Variants in NRG3 observed in about 807,000 individuals in gnomAD.
NRG3 encodes neuregulin 3, also known as pro-neuregulin-3, membrane-bound isoform.
A neutral mutation model predicts 66.9 loss-of-function variants in NRG3; 31 were observed. The ratio of observed to expected loss-of-function variants is 0.46; its 90% CI spans 0.35 to 0.63. NRG3 has a LOEUF of 0.63. Ranked by LOEUF, NRG3 falls within the 20% of genes least tolerant of loss-of-function variation. The pLI, the probability that NRG3 is intolerant of heterozygous loss-of-function variation, is 0.00. For synonymous variants in NRG3, 393 were observed against 359.4 expected, an observed-to-expected ratio of 1.09 and a Z score of -1.06; for missense variants, 910 against 878.9, an observed-to-expected ratio of 1.04 and a Z score of -0.45.
chr10:82,958,944 T>C lies in NRG3; in HGVS notation c.1158-5T>C, dbSNP rs762786520. The C allele has an allele frequency of 1.3e-6, 2 of 1,571,472 alleles. No individual in the cohort carries two copies. The highest frequency in any genetic ancestry group is 2.7e-5 in the African/African-American group (2 of 72,788). ...ATATTTGTACACGTTTATTTATGCC[T>C]GCAGGAAACAAGCTAAACAAATCCA... On this transcript the variant is annotated splice_region_variant and splice_polypyrimidine_tract_variant and intron_variant, in intron 5 of 8. Coordinates refer to ENST00000372141, the MANE Select transcript of NRG3 (RefSeq NM_001010848.4).
At chr10:82,516,170 A>G (rs893353039) in intron 2 of NRG3, among the ~76,000 whole-genome samples, 1 of 151,654 alleles carries the variant, frequency 6.6e-6, no homozygotes, top group Non-Finnish European at 1.5e-5. Context: ...ATGTGTGTGT[A>G]TGTGCATGCA....
chr10:82,630,012 C>T (rs889445522), intron 2 of NRG3, among the ~76,000 whole-genome samples: 3 of 152,036 alleles, frequency 2.0e-5, no homozygotes, highest in Admixed American at 6.6e-5. Context: ...TCCAGGGACC[C>T]ATGGACCAGG....
chr10:82,073,230 TACTTCTTAAGATAA>T (rs2064907117), intron 1 of NRG3, among the ~76,000 whole-genome samples: 1 of 152,190 alleles, frequency 6.6e-6, no homozygotes, highest in South Asian at 2.1e-4. Flanking sequence ...AGAGTTTCAC[TACTTCTTAAGATAA>T]ACCCTGGAGC....
intron 1 of NRG3, among the ~76,000 whole-genome samples, chr10:82,155,544 A>T (rs1396071272): frequency 6.6e-6 from 1 of 151,732 alleles, no homozygotes; most frequent in Non-Finnish European, 1.5e-5. Flanking sequence ...CTGTGTAAAA[A>T]TGCTAATTAC....
chr10:82,602,163 A>G (rs1590834997), intron 2 of NRG3, among the ~76,000 whole-genome samples: 3 of 151,990 alleles, frequency 2.0e-5, no homozygotes, highest in Admixed American at 2.0e-4. Flanking sequence ...GTTATTAACC[A>G]AGGATTAAAT....
Position 81,875,416 on chromosome 10 carries a change from G to A in NRG3, c.76G>A (p.Ala26Thr), listed in dbSNP as rs1841528593. The A allele has an allele frequency of 1.9e-6, 2 of 1,049,008 alleles. No homozygotes were observed. Among genetic ancestry groups the A allele is most frequent in the Non-Finnish European group, 1.1e-6 (1 of 873,532 alleles). 65.0% of individuals were successfully genotyped at this position (1,049,008 alleles called of 1,614,324 possible). ...CGCCGCCTCGGCCGAGGAGGGCACCGCGGCGGCTGCGGCGGCGGCAGCGGC... is the reference window on the plus strand; with the variant it reads ...CGCCGCCTCGGCCGAGGAGGGCACCACGGCGGCTGCGGCGGCGGCAGCGGC... ...AAAASAEEGT[A>T]AAAAAAAAGG... The change falls in exon 1 of 9, where the codon GCG (alanine) becomes ACG (threonine). Residue 26 changes from alanine (A) to threonine (T), a missense_variant. By Grantham distance (58) the Ala-to-Thr change is moderately conservative. Transcript: ENST00000372141. The surrounding 1 kb of genome is among the most constrained non-coding windows in gnomAD (Gnocchi z 5.3).
intron 1 of NRG3, among the ~76,000 whole-genome samples, chr10:82,028,033 T>G (rs2132842864): frequency 6.6e-6 from 1 of 152,262 alleles, no homozygotes; most frequent in Non-Finnish European, 1.5e-5. Flanking sequence ...AATATTTTTC[T>G]CAACTTCCAT....
intron 1 of NRG3, among the ~76,000 whole-genome samples, chr10:82,048,044 G>A (rs2063396461): frequency 2.7e-5 from 4 of 150,794 alleles, no homozygotes; most frequent in Admixed American, 2.0e-4. Flanking sequence ...AACAAGAAGA[G>A]CTAACTATCC....
intron 1 of NRG3, among the ~76,000 whole-genome samples, chr10:81,959,496 G>A (rs1325286423): frequency 6.6e-6 from 1 of 151,926 alleles, no homozygotes; most frequent in Non-Finnish European, 1.5e-5. Context: ...TTGCTGGATT[G>A]CTTACTGACA....
At chr10:82,234,503 C>T (rs2076658359) in intron 1 of NRG3, among the ~76,000 whole-genome samples, 2 of 152,102 alleles carry the variant, frequency 1.3e-5, no homozygotes, top group Non-Finnish European at 1.5e-5. Flanking sequence ...GTTTTCTCAC[C>T]ATCAGATCTC....
chr10:82,245,478 A>G (rs879859436), intron 1 of NRG3, among the ~76,000 whole-genome samples: 1 of 152,194 alleles, frequency 6.6e-6, no homozygotes, highest in Admixed American at 6.5e-5. Context: ...AAAGACTTAT[A>G]TATGTTGGTG....
intron 2 of NRG3, among the ~76,000 whole-genome samples, chr10:82,735,030 A>G (rs1301029320): frequency 6.6e-6 from 1 of 151,460 alleles, no homozygotes; most frequent in Non-Finnish European, 1.5e-5. Flanking sequence ...AAAAAAAAAG[A>G]AGGGAAGGGA....
intron 1 of NRG3, among the ~76,000 whole-genome samples, chr10:82,080,709 T>G (rs560861864): frequency 6.6e-6 from 1 of 152,134 alleles, no homozygotes; most frequent in Non-Finnish European, 1.5e-5. Context: ...TTTTTTGTTT[T>G]AACCTTTAAA....
At chr10:82,181,311 C>T (rs1318845097) in intron 1 of NRG3, among the ~76,000 whole-genome samples, 1 of 151,066 alleles carries the variant, frequency 6.6e-6, no homozygotes, top group Non-Finnish European at 1.5e-5. Context: ...TGGTCTTTTC[C>T]TAGTTTATCA....
In NRG3 at chr10:82,955,864, G is replaced by C. The variant is rs528547918; in HGVS notation, c.1158-3085G>C. ...CAATCTCATGTTCCATTCTGGTATT[G>C]TTTACCTCCAATGATGCATCGATAT... On this transcript the variant is annotated intron_variant, in intron 5 of 8. Transcript: ENST00000372141. Among the ~76,000 whole-genome samples, 18 of 151,990 alleles carry C rather than the reference G, an allele frequency of 1.2e-4. No homozygotes were observed. In the South Asian group the frequency reaches 3.3e-3, roughly 28 times the overall value.
At chr10:82,314,225 C>T (rs901077116) in intron 1 of NRG3, among the ~76,000 whole-genome samples, 4 of 152,160 alleles carry the variant, frequency 2.6e-5, no homozygotes, top group Non-Finnish European at 2.9e-5. Context: ...AGCTTGACAA[C>T]AGAACTTTAA....
At chr10:82,173,521 G>A (rs1025193046) in intron 1 of NRG3, among the ~76,000 whole-genome samples, 2 of 151,966 alleles carry the variant, frequency 1.3e-5, no homozygotes, top group African/African-American at 4.8e-5. Flanking sequence ...GCAAAGACAT[G>A]CACACACAGG....
intron 1 of NRG3, among the ~76,000 whole-genome samples, chr10:82,147,880 C>T (rs1474344274): frequency 6.6e-6 from 1 of 152,194 alleles, no homozygotes. Context: ...AGTTTTCTCT[C>T]TCTTTTACCC....
At chr10:82,292,174 TC>T (rs2079785889) in intron 1 of NRG3, among the ~76,000 whole-genome samples, 1 of 152,142 alleles carries the variant, frequency 6.6e-6, no homozygotes, top group Non-Finnish European at 1.5e-5. Context: ...GAGAGACATT[TC>T]CCCAAACTGA....
Sources: allele counts gnomAD v4.1 joint callset (sites outside exome capture counted in the v4.1 genomes callset), GRCh38; gene constraint gnomAD v4.1.1; non-coding constraint Gnocchi (gnomAD v3.1); transcripts MANE v1.5; gene names NCBI Gene and HGNC (gene_info 2026-07-23, HGNC 2026-07-21).